ALK: variants seen among roughly 807,000 people sequenced by gnomAD.
ALK encodes the protein ALK receptor tyrosine kinase, also known as ALK tyrosine kinase receptor.
ALK carries 74 observed loss-of-function variants against 163.1 expected under a neutral mutation model. The ratio of observed to expected loss-of-function variants is 0.45; its 90% CI spans 0.38 to 0.55. The LOEUF is 0.55. ALK is among the 20% of genes least tolerant of loss of function. ALK has a pLI of 0.00. For synonymous variants in ALK, 960 were observed against 843.2 expected (o/e 1.14, Z -2.40); for missense variants, 2,063 against 2,105.3 (o/e 0.98, Z 0.39).
At chr2:29,637,371 G>C (rs1385064991) in intron 3 of ALK, among the ~76,000 whole-genome samples, 1 of 152,138 alleles carries the variant, frequency 6.6e-6, no homozygotes, top group African/African-American at 2.4e-5. Flanking sequence ...TGTATAGCAT[G>C]TTTAAACTTA....
intron 4 of ALK, among the ~76,000 whole-genome samples, chr2:29,502,839 T>C (rs924579861): frequency 2.0e-5 from 3 of 152,082 alleles, no homozygotes; most frequent in Admixed American, 6.5e-5. Flanking sequence ...GGAACCAGGA[T>C]TGGTGAGGGA....
At chr2:29,523,255 C>G (rs1469972785) in intron 4 of ALK, among the ~76,000 whole-genome samples, 1 of 152,158 alleles carries the variant, frequency 6.6e-6, no homozygotes, top group Non-Finnish European at 1.5e-5. Context: ...ACCCCTTGCC[C>G]CTGCAGAGCC....
At chr2:29,545,916 G>A (rs1673540202) in intron 3 of ALK, among the ~76,000 whole-genome samples, 1 of 152,132 alleles carries the variant, frequency 6.6e-6, no homozygotes, top group African/African-American at 2.4e-5. Flanking sequence ...ACAATTAGGA[G>A]CCTCTGCAAA....
At chr2:29,663,758 A>T (rs1267425584) in intron 3 of ALK, among the ~76,000 whole-genome samples, 2 of 152,208 alleles carry the variant, frequency 1.3e-5, no homozygotes, top group Non-Finnish European at 2.9e-5. Context: ...GTGAAAGTTT[A>T]AATTTTGTTC....
At chr2:29,596,318 CT>C (rs2148211053) in intron 3 of ALK, among the ~76,000 whole-genome samples, 2 of 152,310 alleles carry the variant, frequency 1.3e-5, no homozygotes, top group South Asian at 4.1e-4. Context: ...GGGTTCACAG[CT>C]TAAGTCCCAA....
rs185161476 is a variant in ALK at position 29,836,361 on chromosome 2, A to G, written c.667+83632T>C. On this transcript the variant is annotated intron_variant, in intron 1 of 28. Transcript: ENST00000389048. ...CATACTACCCGGCCATTGAAAGTAG[A>G]GAGGGGCTCTCTGCTAACATTAGTC... Among the ~76,000 whole-genome samples the G allele has an allele frequency of 1.8e-4, 28 of 152,304 alleles. 1 individual carries two copies. Among genetic ancestry groups the G allele is most frequent in the African/African-American group, 6.3e-4 (26 of 41,558 alleles).
At chr2:29,235,794 G>A (rs901189420) in intron 13 of ALK, among the ~76,000 whole-genome samples, 2 of 138,090 alleles carry the variant, frequency 1.4e-5, no homozygotes, top group African/African-American at 5.2e-5. Flanking sequence ...CTGGGCTCAA[G>A]TAATCATCCT....
chr2:29,627,857 A>G (rs943912129), intron 3 of ALK, among the ~76,000 whole-genome samples: 1 of 152,228 alleles, frequency 6.6e-6, no homozygotes, highest in Non-Finnish European at 1.5e-5. Context: ...AAGAGAGAAA[A>G]GTTTAGCGTG....
chr2:29,267,945 C>T (rs1182652403), intron 11 of ALK, among the ~76,000 whole-genome samples: 1 of 152,188 alleles, frequency 6.6e-6, no homozygotes, highest in African/African-American at 2.4e-5. Context: ...GCTAAATGAT[C>T]TTAATCAAGG....
At chr2:29,289,152 T>C (rs1665949952) in intron 9 of ALK, among the ~76,000 whole-genome samples, 1 of 152,066 alleles carries the variant, frequency 6.6e-6, no homozygotes, top group Non-Finnish European at 1.5e-5. Flanking sequence ...CGGGCACAGA[T>C]GCTTGGTTCA....
rs780939762 is a variant in ALK at position 29,297,015 on chromosome 2, C to A, written c.1690G>T (p.Val564Leu). 6.2e-7 allele frequency: 1 copy of A among 1,614,200 alleles called. No homozygotes were observed. Among genetic ancestry groups the A allele is most frequent in the East Asian group, 2.2e-5 (1 of 44,878 alleles). The change falls in exon 9 of 29, where the codon GTG becomes TTG. Residue 564 changes from valine (V) to leucine (L), a missense_variant. Transcript: ENST00000389048. ...TTGTTCTCCACTAGCACCAAGGACA[C>A]GTTTCCCCTCAAGACTCCACGAATG... ...WLIRGVLRGN[V>L]SLVLVENKTG...
At chr2:29,749,664 A>T (rs1680299700) in intron 1 of ALK, among the ~76,000 whole-genome samples, 1 of 152,098 alleles carries the variant, frequency 6.6e-6, no homozygotes, top group African/African-American at 2.4e-5. Flanking sequence ...AAAGCAAAGG[A>T]GGTCATGGCT....
chr2:29,680,899 T>C (rs2148278633), intron 3 of ALK: 1 of 152,330 alleles, frequency 6.6e-6, no homozygotes, highest in East Asian at 1.9e-4. Flanking sequence ...TTGTTAGTTT[T>C]GTTTCTTCAT....
chr2:29,829,155 G>C (rs1289809824), intron 1 of ALK, among the ~76,000 whole-genome samples: 38 of 110,808 alleles, frequency 3.4e-4, no homozygotes, highest in Non-Finnish European at 2.8e-4. Flanking sequence ...TCATACACCA[G>C]GGCCTGTTGA....
intron 1 of ALK, among the ~76,000 whole-genome samples, chr2:29,900,975 A>G (rs1039953435): frequency 6.8e-6 from 1 of 146,258 alleles, no homozygotes; most frequent in Non-Finnish European, 1.5e-5. Context: ...TTAAGAAAGA[A>G]AGAAAGAGAG....
chr2:29,689,617 G>T (rs531534580), intron 3 of ALK, among the ~76,000 whole-genome samples: 2 of 152,154 alleles, frequency 1.3e-5, no homozygotes, highest in East Asian at 1.9e-4. Context: ...CAACCCAGAC[G>T]CAGGGGGAGA....
chr2:29,311,002 A>T (rs1204093940), intron 8 of ALK, among the ~76,000 whole-genome samples: 1 of 152,236 alleles, frequency 6.6e-6, no homozygotes, highest in Non-Finnish European at 1.5e-5. Flanking sequence ...AAATGCCTCG[A>T]GAACCACTGC....
At chr2:29,773,981 G>A (rs923673223) in intron 1 of ALK, among the ~76,000 whole-genome samples, 2 of 152,108 alleles carry the variant, frequency 1.3e-5, no homozygotes, top group African/African-American at 2.4e-5. Flanking sequence ...AGTCTGTTGT[G>A]GAAAAGTTCT....
intron 3 of ALK, among the ~76,000 whole-genome samples, chr2:29,569,570 C>A (rs34140919): frequency 1.1e-4 from 11 of 99,606 alleles, no homozygotes; most frequent in East Asian, 4.3e-4. Flanking sequence ...TCTTCCCCCC[C>A]CCTAGTGAGG....
Sources: gnomAD v4.1 joint callset for allele counts (sites outside exome capture counted in the v4.1 genomes callset) on GRCh38, gnomAD v4.1.1 for gene constraint, MANE v1.5 for transcripts, NCBI Gene and HGNC (gene_info 2026-07-23, HGNC 2026-07-21) for gene names.